LRRC4C: variants seen among roughly 807,000 people sequenced by gnomAD.
LRRC4C encodes leucine rich repeat containing 4C, also known as leucine-rich repeat-containing protein 4C.
LRRC4C carries 5 observed loss-of-function variants against 33.6 expected under a neutral mutation model. The observed-to-expected ratio is 0.15, with a 90% CI of 0.08 to 0.31. The LOEUF is 0.31. LRRC4C is among the 10% of genes least tolerant of loss of function. The probability of loss-of-function intolerance (pLI) is 1.00; values close to 1 mark genes in which losing one functional copy is unlikely to be tolerated. For synonymous variants in LRRC4C, 329 were observed against 302.0 expected (o/e 1.09, Z -0.93); for missense variants, 560 against 796.7 (o/e 0.70, Z 3.58).
At chr11:40,142,056 G>A (rs1857404028) in intron 5 of LRRC4C, among the ~76,000 whole-genome samples, 1 of 152,022 alleles carries the variant, frequency 6.6e-6, no homozygotes, top group Admixed American at 6.6e-5. Context: ...GCCGAGGTGG[G>A]TGGATCACCT....
intron 1 of LRRC4C, among the ~76,000 whole-genome samples, chr11:41,379,080 C>T (rs572901877): frequency 6.6e-6 from 1 of 152,152 alleles, no homozygotes; most frequent in Non-Finnish European, 1.5e-5. Flanking sequence ...TATACCCACA[C>T]TTTACTCCCA....
Position 40,323,003 on chromosome 11 carries a change from G to A in LRRC4C, c.-269-3282C>T, listed in dbSNP as rs183105778. 1.2e-4 allele frequency among the ~76,000 whole-genome samples: 19 copies of A among 152,266 alleles called. No homozygotes were observed. The East Asian group carries it at 3.5e-3, about 28-fold the overall frequency. On this transcript the variant is annotated intron_variant, in intron 3 of 6. Coordinates refer to ENST00000528697, the MANE Select transcript of LRRC4C (RefSeq NM_001258419.2). ...GACTAAAGTAACCAGCATTGTCATG[G>A]TAACTTTATTTGACTCACCAATGAA...
At chr11:40,965,326 C>T (rs1295032894) in intron 1 of LRRC4C, among the ~76,000 whole-genome samples, 4 of 152,114 alleles carry the variant, frequency 2.6e-5, no homozygotes, top group African/African-American at 7.2e-5. Context: ...GTTGCCTGTT[C>T]ACTCTGATGG....
At chr11:40,305,430 A>C (rs1944982034) in intron 4 of LRRC4C, among the ~76,000 whole-genome samples, 1 of 152,228 alleles carries the variant, frequency 6.6e-6, no homozygotes, top group Non-Finnish European at 1.5e-5. Context: ...TTTTTGAATG[A>C]ATAGCTAAGA....
At chr11:40,405,065 T>C (rs1949909741) in intron 3 of LRRC4C, among the ~76,000 whole-genome samples, 1 of 152,030 alleles carries the variant, frequency 6.6e-6, no homozygotes, top group African/African-American at 2.4e-5. Context: ...GTTCCTTTTA[T>C]TTCCTTTGAC....
At chr11:41,053,993 T>C (rs1858439591) in intron 1 of LRRC4C, among the ~76,000 whole-genome samples, 1 of 152,178 alleles carries the variant, frequency 6.6e-6, no homozygotes, top group Admixed American at 6.5e-5. Flanking sequence ...GCATTGTTCA[T>C]TGAGTCATAG....
chr11:40,329,166 A>G (rs149795687), intron 3 of LRRC4C, among the ~76,000 whole-genome samples: 349 of 152,324 alleles, frequency 2.3e-3, no homozygotes, highest in African/African-American at 8.0e-3. Flanking sequence ...TATTCTGCTA[A>G]TAGCACAAGG....
intron 2 of LRRC4C, among the ~76,000 whole-genome samples, chr11:40,859,828 G>A (rs768655182): frequency 8.5e-5 from 13 of 152,170 alleles, no homozygotes; most frequent in Non-Finnish European, 1.9e-4. Flanking sequence ...TGTAATCCCA[G>A]CACTTTGGGA....
chr11:41,385,653 G>A (rs1209146772), intron 1 of LRRC4C, among the ~76,000 whole-genome samples: 1 of 151,438 alleles, frequency 6.6e-6, no homozygotes, highest in East Asian at 1.9e-4. Flanking sequence ...GCATGCATGA[G>A]CAGAAAATTT....
chr11:40,141,225 G>GA, intron 5 of LRRC4C, among the ~76,000 whole-genome samples: 1 of 152,240 alleles, frequency 6.6e-6, no homozygotes, highest in Admixed American at 6.5e-5. Flanking sequence ...GGGTTAAATA[G>GA]AAAACTCAAT....
At chr11:41,129,753 AG>A in intron 1 of LRRC4C, among the ~76,000 whole-genome samples, 1 of 151,904 alleles carries the variant, frequency 6.6e-6, no homozygotes, top group Non-Finnish European at 1.5e-5. Flanking sequence ...AGCTCCTCAA[AG>A]ACTCTGATGA....
At chr11:40,193,832 C>T (rs1200887801) in intron 5 of LRRC4C, among the ~76,000 whole-genome samples, 2 of 151,880 alleles carry the variant, frequency 1.3e-5, no homozygotes, top group Non-Finnish European at 2.9e-5. Flanking sequence ...ATAGCTGAAT[C>T]GATCAAGTGG....
intron 2 of LRRC4C, among the ~76,000 whole-genome samples, chr11:40,723,677 A>C (rs1947141387): frequency 6.6e-6 from 1 of 152,154 alleles, no homozygotes; most frequent in African/African-American, 2.4e-5. Flanking sequence ...CATTACCCAC[A>C]GACTCTATAA....
At chr11:41,288,102 A>G (rs1233268782) in intron 1 of LRRC4C, among the ~76,000 whole-genome samples, 1 of 152,174 alleles carries the variant, frequency 6.6e-6, no homozygotes. Context: ...TATCAGACAC[A>G]TTCCTTGTCT....
intron 1 of LRRC4C, among the ~76,000 whole-genome samples, chr11:40,938,600 T>C (rs984764855): frequency 7.9e-5 from 12 of 152,174 alleles, no homozygotes; most frequent in Non-Finnish European, 1.6e-4. Flanking sequence ...TCTTCTTAAA[T>C]AGATAAACAT....
intron 1 of LRRC4C, among the ~76,000 whole-genome samples, chr11:41,374,458 C>T (rs1342854441): frequency 6.6e-6 from 1 of 151,806 alleles, no homozygotes; most frequent in African/African-American, 2.4e-5. Context: ...ATACAGAGGA[C>T]AGAGTAACAA....
intron 5 of LRRC4C, among the ~76,000 whole-genome samples, chr11:40,206,305 G>A (rs546647404): frequency 1.6e-3 from 239 of 152,046 alleles, no homozygotes; most frequent in Middle Eastern, 3.4e-3. Context: ...GGGCAATCTC[G>A]GCTCACTGCA....
intron 5 of LRRC4C, among the ~76,000 whole-genome samples, chr11:40,151,075 T>G (rs1419165686): frequency 1.3e-5 from 2 of 152,178 alleles, no homozygotes; most frequent in African/African-American, 4.8e-5. Context: ...CTAGCTATTC[T>G]TAGGCCTTTG....
At position 40,246,383 on chromosome 11, in the gene LRRC4C, G is replaced by T. The variant is rs1360813169; in HGVS notation, c.-175-4785C>A. 5.3e-5 allele frequency among the ~76,000 whole-genome samples: 8 copies of T among 152,232 alleles called. No homozygotes were observed. In the East Asian group the frequency reaches 1.5e-3, roughly 29 times the overall value. ...AATACTCAACGTTATTTTGTTTTTG[G>T]TTCACTCTGCAGACTTTTGATTTAG... On this transcript the variant is annotated intron_variant, in intron 4 of 6. Coordinates refer to ENST00000528697, the MANE Select transcript of LRRC4C (RefSeq NM_001258419.2).
Sources: allele counts gnomAD v4.1 joint callset (sites outside exome capture counted in the v4.1 genomes callset), GRCh38; gene constraint gnomAD v4.1.1; transcripts MANE v1.5; gene names NCBI Gene and HGNC (gene_info 2026-07-23, HGNC 2026-07-21).